CLN8: variants seen among roughly 807,000 people sequenced by gnomAD.
The protein encoded by CLN8 is protein CLN8.
Under a neutral mutation model 15.7 loss-of-function variants are expected in CLN8, and 14 were observed. That is an observed-to-expected ratio of 0.89 (90% CI 0.59 to 1.39). The LOEUF (loss-of-function observed/expected upper bound fraction) is 1.39, where lower values mean the gene tolerates loss of function less well. Among genes scored for constraint, CLN8 ranks in the 40% most tolerant of loss-of-function variants. The probability of loss-of-function intolerance (pLI) is 0.00; values close to 1 mark genes in which losing one functional copy is unlikely to be tolerated. For missense variants in CLN8, 415 were observed against 364.0 expected, an observed-to-expected ratio of 1.14 and a Z score of -1.14; for synonymous variants, 188 against 151.0, an observed-to-expected ratio of 1.25 and a Z score of -1.80.
chr8:1,774,198 GC>G (rs1801424938), intron 2 of CLN8, among the ~76,000 whole-genome samples: 1 of 152,146 alleles, frequency 6.6e-6, no homozygotes, highest in Non-Finnish European at 1.5e-5. Context: ...GACAGACTCA[GC>G]GAGATTTTAT....
At chr8:1,766,497 C>G (rs1307904915) in intron 1 of CLN8, among the ~76,000 whole-genome samples, 1 of 150,594 alleles carries the variant, frequency 6.6e-6, no homozygotes, top group Non-Finnish European at 1.5e-5. Flanking sequence ...TCCCGCCATT[C>G]TCCTGCCTCA....
chr8:1,772,626 T>TTGTGTGTGTG (rs568342994), intron 2 of CLN8, among the ~76,000 whole-genome samples: 4 of 147,328 alleles, frequency 2.7e-5, no homozygotes, highest in Non-Finnish European at 4.5e-5. Flanking sequence ...CCTAGCTAAT[T>TTGTGTGTGTG]TGTGTGTGTG....
At position 1,780,922 on chromosome 8, in the gene CLN8, G is replaced by T. The variant is rs1322652173; in HGVS notation, c.*355G>T. 2.2e-5 allele frequency: 8 copies of T among 367,172 alleles called. No individual in the cohort carries two copies. The highest frequency in any genetic ancestry group is 8.6e-5 in the Admixed American group (2 of 23,136). The allele number at this position is 367,172 out of a possible 1,614,324, so 22.7% of individuals were successfully genotyped here. ...ATAGTGAAGTGCCTCCCACAGGGCG[G>T]GTGGGTCAGCGTTGACTCTTTCCAG... is the stretch of plus-strand genomic sequence containing the variant. On this transcript the variant is annotated 3_prime_UTR_variant, in exon 3 of 3. Transcript: ENST00000331222.
At chr8:1,772,997 A>G (rs2130997704) in intron 2 of CLN8, 1 of 398,590 alleles carries the variant, frequency 2.5e-6, no homozygotes, top group African/African-American at 2.1e-5. Flanking sequence ...TGGGTAGATG[A>G]TATCAGTCCA....
At chr8:1,768,352 G>A (rs1271871387) in intron 1 of CLN8, among the ~76,000 whole-genome samples, 2 of 152,132 alleles carry the variant, frequency 1.3e-5, no homozygotes, top group Admixed American at 6.5e-5. Flanking sequence ...CTCTCACCTT[G>A]ACCAAACCAA....
intron 2 of CLN8, among the ~76,000 whole-genome samples, chr8:1,775,578 T>C (rs1219494307): frequency 6.6e-6 from 1 of 152,244 alleles, no homozygotes; most frequent in Non-Finnish European, 1.5e-5. Flanking sequence ...CATTCTGATA[T>C]TACTATTGGT....
rs1457206985 is a variant in CLN8 at position 1,780,418 on chromosome 8, C to A, written c.712C>A (p.Leu238Met). Residue 238 changes from leucine (L) to methionine (M), a missense_variant, in exon 3 of 3, where the codon CTG becomes ATG. Coordinates refer to ENST00000331222, the MANE Select transcript of CLN8 (RefSeq NM_018941.4). ...TCATTTGACACTGTTCCTTGTCGGACTGGCTCTGCTTACGCTAATCATTAA... is the reference window on the plus strand; with the variant it reads ...TCATTTGACACTGTTCCTTGTCGGAATGGCTCTGCTTACGCTAATCATTAA... ...LPHLTLFLVG[L>M]ALLTLIINPY... The A allele has an allele frequency of 6.2e-7, 1 of 1,614,234 alleles. No homozygotes were observed.
intron 2 of CLN8, among the ~76,000 whole-genome samples, chr8:1,773,295 A>G (rs1801386076): frequency 6.6e-6 from 1 of 152,190 alleles, no homozygotes; most frequent in African/African-American, 2.4e-5. Context: ...AGTCGTCGCC[A>G]GTACAGAGCC....
At chr8:1,760,125 T>C (rs912956296), upstream of CLN8, 1 of 152,218 alleles carries the variant, frequency 6.6e-6, no homozygotes, top group Non-Finnish European at 1.5e-5. Flanking sequence ...AAAATTCAGC[T>C]TTGTCATTTA....
Position 1,782,622 on chromosome 8 carries a change from C to T in CLN8, c.*2055C>T, listed in dbSNP as rs761807438. The stretch of plus-strand genomic sequence containing the variant: ...GCAGGCAGCACTCTCTGCAGCCGTG[C>T]CCTTGTGGAGTCAGCAGGAGCTGGT... On this transcript the variant is annotated 3_prime_UTR_variant, in exon 3 of 3. Transcript: ENST00000331222. The T allele has an allele frequency of 6.6e-6, 1 of 152,344 alleles. No individual in the cohort carries two copies. The highest frequency in any genetic ancestry group is 2.1e-4 in the South Asian group (1 of 4,828). 9.4% of individuals were successfully genotyped at this position (152,344 alleles called of 1,614,324 possible). A position where few individuals can be genotyped will look rare whatever the true frequency, so the allele number is the denominator to read the frequency against.
chr8:1,778,870 A>T (rs1201797745), intron 2 of CLN8, among the ~76,000 whole-genome samples: 1 of 152,206 alleles, frequency 6.6e-6, no homozygotes, highest in Non-Finnish European at 1.5e-5. Context: ...ACATCCCAAT[A>T]AGCCCACCAT....
At position 1,781,468 on chromosome 8, in the gene CLN8, G is replaced by A. The variant is rs1432205498; in HGVS notation, c.*901G>A. On this transcript the variant is annotated 3_prime_UTR_variant, in exon 3 of 3. Transcript: ENST00000331222. ...CTGAGGGGTAGTGACTCCTGTAGCA[G>A]CAGAGACGCCTTGGAGTTTAACCCC... is the stretch of plus-strand genomic sequence containing the variant. The A allele has an allele frequency of 5.3e-5, 8 of 151,922 alleles. No individual in the cohort carries two copies. Among genetic ancestry groups the A allele is most frequent in the Non-Finnish European group, 2.9e-5 (2 of 67,986 alleles). 9.4% of individuals were successfully genotyped at this position (151,922 alleles called of 1,614,324 possible).
upstream of CLN8, chr8:1,763,144 G>C (rs1585122670): frequency 6.6e-6 from 1 of 151,888 alleles, no homozygotes; most frequent in Non-Finnish European, 1.5e-5. Context: ...ACCGAGCCCC[G>C]GGGAGGCTCC....
At chr8:1,761,069 G>C (rs1256542986), upstream of CLN8, among the ~76,000 whole-genome samples, 1 of 138,296 alleles carries the variant, frequency 7.2e-6, no homozygotes, top group Non-Finnish European at 1.5e-5. Flanking sequence ...GCCCAGGCTG[G>C]AGTGCAGTGG....
In CLN8 at chr8:1,777,056, C is replaced by T. The variant is rs368921916; in HGVS notation, c.544-3194C>T. ...GAAATGTGTCCTTAGGCTATTTTGT[C>T]ATCGAGTGGCCGTCATAGAGTACCT... On this transcript the variant is annotated intron_variant, in intron 2 of 2. Transcript: ENST00000331222. 2.6e-5 allele frequency among the ~76,000 whole-genome samples: 4 copies of T among 152,276 alleles called. No individual in the cohort carries two copies. The East Asian group carries it at 5.8e-4, about 22-fold the overall frequency.
intron 2 of CLN8, among the ~76,000 whole-genome samples, chr8:1,776,053 G>T (rs535391194): frequency 3.3e-5 from 5 of 151,984 alleles, no homozygotes; most frequent in African/African-American, 1.2e-4. Context: ...TGCAAGCTGA[G>T]TCTGTGAGGG....
chr8:1,773,959 G>A (rs1446389676), intron 2 of CLN8: 1 of 152,236 alleles, frequency 6.6e-6, no homozygotes, highest in Non-Finnish European at 1.5e-5. Context: ...GAGGTCATTA[G>A]TGTATTTTGA....
In CLN8 at chr8:1,771,517, G is replaced by A; in HGVS notation, c.463G>A (p.Ala155Thr). The A allele has an allele frequency of 6.2e-7, 1 of 1,614,170 alleles. No individual in the cohort carries two copies. Among genetic ancestry groups the A allele is most frequent in the Non-Finnish European group, 8.5e-7 (1 of 1,180,036 alleles). The change falls in exon 2 of 3, where the codon GCT (alanine) becomes ACT (threonine). Residue 155 changes from alanine to threonine, a missense_variant. Transcript: ENST00000331222. ...TCTTGGCTGCTTGGTCAATCTCCAAGCTGGCCACTATCTAGCTATGACCAC... is the reference window on the plus strand; with the variant it reads ...TCTTGGCTGCTTGGTCAATCTCCAAACTGGCCACTATCTAGCTATGACCAC... ...GFLGCLVNLQ[A>T]GHYLAMTTLL...
At chr8:1,779,573 TACTGTATTAGTCAGCTCAGGCTGCC>T (rs1343427019) in intron 2 of CLN8, among the ~76,000 whole-genome samples, 1 of 152,222 alleles carries the variant, frequency 6.6e-6, no homozygotes, top group African/African-American at 2.4e-5. Flanking sequence ...CGGGGAGGTA[TACTGTATTAGTCAGCTCAGGCTGCC>T]ACAGCAGACT....
Sources: allele counts gnomAD v4.1 joint callset (sites outside exome capture counted in the v4.1 genomes callset), GRCh38; gene constraint gnomAD v4.1.1; transcripts MANE v1.5; gene names NCBI Gene and HGNC (gene_info 2026-07-23, HGNC 2026-07-21).